HIC2: variants seen among roughly 807,000 people sequenced by gnomAD.
HIC2 encodes hypermethylated in cancer 2 protein.
In HIC2, 2 loss-of-function variants were observed where a neutral mutation model predicts 39.5. The ratio of observed to expected loss-of-function variants is 0.05; its 90% CI spans 0.02 to 0.16. HIC2 has a LOEUF of 0.16. HIC2 is among the 10% of genes least tolerant of loss of function. The probability of loss-of-function intolerance (pLI) is 1.00; values close to 1 mark genes in which losing one functional copy is unlikely to be tolerated. For synonymous variants in HIC2, 399 were observed against 368.8 expected (o/e 1.08, Z -0.94); for missense variants, 713 against 863.5 (o/e 0.83, Z 2.18).
chr22:21,444,376 G>C (rs1022830780), intron 2 of HIC2, among the ~76,000 whole-genome samples: 1 of 152,264 alleles, frequency 6.6e-6, no homozygotes, highest in African/African-American at 2.4e-5. Context: ...CTGGCTGCAG[G>C]CTGACTGCAG....
chr22:21,425,445 T>C (rs1405473028), intron 1 of HIC2, among the ~76,000 whole-genome samples: 2 of 149,454 alleles, frequency 1.3e-5, no homozygotes, highest in Non-Finnish European at 3.0e-5. Flanking sequence ...CTCAGTTCAC[T>C]GCAACCTCCA....
chr22:21,425,165 TAA>T lies in HIC2; in HGVS notation c.-74+7618_-74+7619del, dbSNP rs553933693. On this transcript the variant is annotated intron_variant, in intron 1 of 2. Transcript: ENST00000407464. ...CTGGGTGACAGAGCGAGACTCCATC[TAA>T]AAAAAAAAAAAATCACTGGCCTCTG... is the stretch of plus-strand genomic sequence containing the variant. Among the ~76,000 whole-genome samples the T allele has an allele frequency of 9.1e-4, 2 of 2,206 alleles. 1 individual carries two copies. Among genetic ancestry groups the T allele is most frequent in the Non-Finnish European group, 3.3e-3 (2 of 606 alleles). 1.4% of individuals were successfully genotyped at this position (2,206 alleles called of 152,430 possible). A position where few individuals can be genotyped will look rare whatever the true frequency, so the allele number is the denominator to read the frequency against.
chr22:21,445,468 C>G lies in HIC2; in HGVS notation c.573C>G (p.Leu191=), dbSNP rs571490200. Residue 191 remains leucine (L), a synonymous_variant, in exon 3 of 3, where the codon CTC becomes CTG. Transcript: ENST00000407464. ...GRKGAHAPQE[L]PQAKGSDDEL... ...AGGGGGCCCACGCCCCCCAGGAGCT[C>G]CCCCAAGCCAAAGGCTCAGACGATG... is the stretch of plus-strand genomic sequence containing the variant. 1 of 1,551,178 alleles carries G rather than the reference C, an allele frequency of 6.4e-7. No individual in the cohort carries two copies. The highest frequency in any genetic ancestry group is 1.4e-5 in the African/African-American group (1 of 72,352).
At position 21,446,407 on chromosome 22, in the gene HIC2, C is replaced by T; in HGVS notation, c.1512C>T (p.Pro504=). The T allele has an allele frequency of 6.2e-7, 1 of 1,612,174 alleles. No individual in the cohort carries two copies. The highest frequency in any genetic ancestry group is 8.5e-7 in the Non-Finnish European group (1 of 1,180,022). Residue 504 remains proline (P), a synonymous_variant, in exon 3 of 3, where the codon CCC becomes CCT. Transcript: ENST00000407464. ...PSAAYTAEPR[P]FKCSVCEKTY... ...CGGCCTACACGGCTGAGCCCCGGCC[C>T]TTCAAGTGTTCGGTCTGCGAGAAGA...
Position 21,445,684 on chromosome 22 carries a change from C to G in HIC2, c.789C>G (p.Pro263=). Reference sequence around the variant, plus strand: ...CCTTGCCCCCTGCCACCCCAGGTCCCCACCTCACTCCCGATGACGCAGCCC... The same window carrying G: ...CCTTGCCCCCTGCCACCCCAGGTCCGCACCTCACTCCCGATGACGCAGCCC... The part of the protein sequence containing the change: ...SPPLPPATPG[P]HLTPDDAAQL... The change falls in exon 3 of 3, where the codon CCC becomes CCG. Residue 263 remains proline, a synonymous_variant. Coordinates refer to ENST00000407464, the MANE Select transcript of HIC2 (RefSeq NM_015094.3). 1 of 1,611,484 alleles carries G rather than the reference C, an allele frequency of 6.2e-7. No individual in the cohort carries two copies. Among genetic ancestry groups the G allele is most frequent in the Non-Finnish European group, 8.5e-7 (1 of 1,179,392 alleles).
chr22:21,449,664 G>C lies in HIC2; in HGVS notation c.*2921G>C, dbSNP rs1478087630. On this transcript the variant is annotated 3_prime_UTR_variant, in exon 3 of 3. Transcript: ENST00000407464. ...TGGAGTGGCTCACGGGCAGAGAAGGGTAGCCCTGGGGCTGGGGGAGGGATT... is the reference window on the plus strand; with the variant it reads ...TGGAGTGGCTCACGGGCAGAGAAGGCTAGCCCTGGGGCTGGGGGAGGGATT... The C allele has an allele frequency of 6.5e-6, 1 of 152,768 alleles. No homozygotes were observed. The highest frequency in any genetic ancestry group is 1.5e-5 in the Non-Finnish European group (1 of 68,072). 9.5% of individuals were successfully genotyped at this position (152,768 alleles called of 1,614,324 possible).
chr22:21,446,144 G>A lies in HIC2; in HGVS notation c.1249G>A (p.Gly417Ser), dbSNP rs1278022319. ...EDSAQSGSEG[G>S]SGHASAHYMY... ...CAGTGCGCAGAGCGGGAGCGAGGGG[G>A]GCAGCGGCCATGCCAGCGCCCACTA... Residue 417 changes from glycine to serine, a missense_variant, in exon 3 of 3, where the codon GGC becomes AGC. By Grantham distance (56) the Gly-to-Ser change is moderately conservative (BLOSUM62 0). Transcript: ENST00000407464. The A allele has an allele frequency of 6.2e-7, 1 of 1,608,840 alleles. No homozygotes were observed.
At position 21,445,512 on chromosome 22, in the gene HIC2, C is replaced by T; in HGVS notation, c.617C>T (p.Ser206Phe). 3 of 1,596,730 alleles carry T rather than the reference C, an allele frequency of 1.9e-6. No individual in the cohort carries two copies. The highest frequency in any genetic ancestry group is 2.6e-6 in the Non-Finnish European group (3 of 1,173,742). ...GACGATGAACTCTTTCTTGGTGGCTCTAACCAGGATAGCGTGCAAGGTCTG... is the reference window on the plus strand; with the variant it reads ...GACGATGAACTCTTTCTTGGTGGCTTTAACCAGGATAGCGTGCAAGGTCTG... ...GSDDELFLGG[S>F]NQDSVQGLGR... The change falls in exon 3 of 3, where the codon TCT becomes TTT. Residue 206 changes from serine to phenylalanine, a missense_variant. Ser to Phe is a radical substitution (Grantham distance 155). Coordinates refer to ENST00000407464, the MANE Select transcript of HIC2 (RefSeq NM_015094.3).
At chr22:21,441,426 G>GC (rs949795220) in intron 1 of HIC2, among the ~76,000 whole-genome samples, 4 of 151,992 alleles carry the variant, frequency 2.6e-5, no homozygotes, top group African/African-American at 9.6e-5. Context: ...GCACTCAGGT[G>GC]CCCCCCAGTC....
rs369041415 is a variant in HIC2, at chr22:21,445,301, C to T, written c.406C>T (p.Arg136Cys). The T allele has an allele frequency of 2.0e-5, 32 of 1,607,828 alleles. No individual in the cohort carries two copies. Among genetic ancestry groups the T allele is most frequent in the South Asian group, 1.1e-4 (10 of 90,492 alleles). Residue 136 changes from arginine (R) to cysteine (C), a missense_variant, in exon 3 of 3, where the codon CGC becomes TGC. Arg to Cys is a radical substitution (Grantham distance 180). Transcript: ENST00000407464. ...LQLPELAALC[R>C]RKLKRAGKPF... ...GCTGCCCGAGTTGGCAGCCCTCTGC[C>T]GCCGCAAACTCAAGCGAGCCGGCAA...
At position 21,448,515 on chromosome 22, in the gene HIC2, T is replaced by C. The variant is rs904021559; in HGVS notation, c.*1772T>C. 1.3e-5 allele frequency: 2 copies of C among 152,712 alleles called. No individual in the cohort carries two copies. The highest frequency in any genetic ancestry group is 2.4e-5 in the African/African-American group (1 of 41,384). 9.5% of individuals were successfully genotyped at this position (152,712 alleles called of 1,614,324 possible). ...GCTGTGGGGCTGGGCTGGCAGCCTT[T>C]ATTGTCATCTTGCTTCACCATTTTT... On this transcript the variant is annotated 3_prime_UTR_variant, in exon 3 of 3. Coordinates refer to ENST00000407464, the MANE Select transcript of HIC2 (RefSeq NM_015094.3).
In HIC2 at chr22:21,445,561, CGGG is replaced by C; in HGVS notation, c.668_670del (p.Gly223del). The C allele has an allele frequency of 6.3e-7, 1 of 1,592,874 alleles. No homozygotes were observed. Among genetic ancestry groups the C allele is most frequent in the Non-Finnish European group, 8.5e-7 (1 of 1,171,516 alleles). On this transcript the variant is annotated inframe_deletion, in exon 3 of 3. Transcript: ENST00000407464. ...TGGGCCGGGCTGTCTGCCCAGCTGG[CGGG>C]GAGGCGGGTCTGGGGGGCTGCAGCA...
chr22:21,417,938 C>T (rs1251343102), intron 1 of HIC2, among the ~76,000 whole-genome samples: 29 of 148,182 alleles, frequency 2.0e-4, no homozygotes, highest in African/African-American at 7.0e-4. Context: ...GCTGCGCTGC[C>T]TGACAGGCGG....
chr22:21,444,897 C>T, intron 2 of HIC2, 25 bp from the exon 3 acceptor site: 1 of 1,593,138 alleles, frequency 6.3e-7, no homozygotes, highest in Non-Finnish European at 8.6e-7. Context: ...TCATCTGACG[C>T]ATGCGTGCCT....
At position 21,450,554 on chromosome 22, in the gene HIC2, CAG is replaced by C. The variant is rs1233689123; in HGVS notation, c.*3812_*3813del. ...GCCTGGGCAGCCGGAGGGCAGGGCT[CAG>C]GGAGCAGGAGGCTGCATCCGTCCAC... On this transcript the variant is annotated 3_prime_UTR_variant, in exon 3 of 3. Transcript: ENST00000407464. 3 of 152,878 alleles carry C rather than the reference CAG, an allele frequency of 2.0e-5. No homozygotes were observed. Among genetic ancestry groups the C allele is most frequent in the Non-Finnish European group, 4.4e-5 (3 of 68,160 alleles). 9.5% of individuals were successfully genotyped at this position (152,878 alleles called of 1,614,324 possible).
At chr22:21,443,202 CCA>C (rs1923615794) in intron 2 of HIC2, among the ~76,000 whole-genome samples, 1 of 152,182 alleles carries the variant, frequency 6.6e-6, no homozygotes, top group African/African-American at 2.4e-5. Context: ...AGTCTCCAGC[CCA>C]TGAGCACCCT....
rs142556171 is a variant in HIC2 at position 21,447,781 on chromosome 22, C to CGTGTGT, written c.*1047_*1052dup. ...TCTTGTTTTCATTTGTGTGTGCGTG[C>CGTGTGT]GTGTGTGTGTGTGTATGTGCGTATG... On this transcript the variant is annotated 3_prime_UTR_variant, in exon 3 of 3. Coordinates refer to ENST00000407464, the MANE Select transcript of HIC2 (RefSeq NM_015094.3). The CGTGTGT allele has an allele frequency of 6.6e-6, 1 of 150,686 alleles. No homozygotes were observed. Among genetic ancestry groups the CGTGTGT allele is most frequent in the Non-Finnish European group, 1.5e-5 (1 of 67,660 alleles). The allele number at this position is 150,686 out of a possible 1,614,324, so 9.3% of individuals were successfully genotyped here. A position where few individuals can be genotyped will look rare whatever the true frequency, so the allele number is the denominator to read the frequency against.
At chr22:21,443,147 T>A (rs930521339) in intron 2 of HIC2, among the ~76,000 whole-genome samples, 2 of 152,156 alleles carry the variant, frequency 1.3e-5, no homozygotes, top group South Asian at 4.1e-4. Context: ...TGTCCCTGCC[T>A]GGTGGGTTGA....
chr22:21,446,658 C>T lies in HIC2; in HGVS notation c.1763C>T (p.Pro588Leu). Residue 588 changes from proline to leucine, a missense_variant, in exon 3 of 3, where the codon CCT becomes CTT. Pro to Leu is a moderately conservative substitution (Grantham distance 98). This residue lies in a region of HIC2 where 40 missense variants were observed against 124.4 expected (regional missense o/e 0.32). Transcript: ENST00000407464. ...ATGCGTGTGCACTCGGGCGAGAAACCTTACGAGTGCCAGCTGTGCGGGGGC... is the reference window on the plus strand; with the variant it reads ...ATGCGTGTGCACTCGGGCGAGAAACTTTACGAGTGCCAGCTGTGCGGGGGC... ...EHMRVHSGEK[P>L]YECQLCGGKF... 1 of 1,613,938 alleles carries T rather than the reference C, an allele frequency of 6.2e-7. No homozygotes were observed. The highest frequency in any genetic ancestry group is 8.5e-7 in the Non-Finnish European group (1 of 1,179,992).
Sources: allele counts gnomAD v4.1 joint callset (sites outside exome capture counted in the v4.1 genomes callset), GRCh38; gene constraint gnomAD v4.1.1; regional missense constraint gnomAD v4.1.1; transcripts MANE v1.5; gene names NCBI Gene and HGNC (gene_info 2026-07-23, HGNC 2026-07-21).